SIPA1L1: variants seen among roughly 807,000 people sequenced by gnomAD.
SIPA1L1 encodes signal induced proliferation associated 1 like 1, also known as signal-induced proliferation-associated 1-like protein 1.
In SIPA1L1, 26 loss-of-function variants were observed where a neutral mutation model predicts 162.7. The observed-to-expected ratio is 0.16, with a 90% CI of 0.12 to 0.22. The LOEUF (loss-of-function observed/expected upper bound fraction) is 0.22. SIPA1L1 is among the 10% of genes least tolerant of loss of function. The probability of loss-of-function intolerance (pLI) is 1.00; values close to 1 mark genes in which losing one functional copy is unlikely to be tolerated. For synonymous variants in SIPA1L1, 829 were observed against 837.4 expected, an observed-to-expected ratio of 0.99 and a Z score of 0.17; for missense variants, 1,874 against 2,241.0, an observed-to-expected ratio of 0.84 and a Z score of 3.31.
intron 2 of SIPA1L1, among the ~76,000 whole-genome samples, chr14:71,506,047 C>T (rs2050641378): frequency 1.3e-5 from 2 of 151,022 alleles, no homozygotes; most frequent in South Asian, 4.2e-4. Flanking sequence ...GATACTCATC[C>T]TGTATTCTGT....
At chr14:71,443,122 T>C (rs977396773) in intron 2 of SIPA1L1, among the ~76,000 whole-genome samples, 1 of 152,204 alleles carries the variant, frequency 6.6e-6, no homozygotes, top group African/African-American at 2.4e-5. Flanking sequence ...GAGGTAAACT[T>C]TGTGCTTACA....
At chr14:71,733,548 G>A in intron 20 of SIPA1L1, 118 bp from the exon 21 acceptor site, 2 of 1,037,282 alleles carry the variant, frequency 1.9e-6, no homozygotes, top group Non-Finnish European at 2.8e-6. Context: ...CTGCTAACCT[G>A]GACATTGATA....
rs141337191 is a variant in SIPA1L1 at position 71,731,031 on chromosome 14, G to T, written c.4861+730G>T. On this transcript the variant is annotated intron_variant, in intron 20 of 23. Coordinates refer to ENST00000381232, the MANE Select transcript of SIPA1L1 (RefSeq NM_001386936.1). ...AGCAGATGCCTGTCACGGAACCAGT[G>T]TTCTTGATCATTTGCTGGATGCACT... Among the ~76,000 whole-genome samples, 18 of 152,260 alleles carry T rather than the reference G, an allele frequency of 1.2e-4. 1 individual carries two copies. In the East Asian group the frequency reaches 3.5e-3, roughly 29 times the overall value.
intron 2 of SIPA1L1, among the ~76,000 whole-genome samples, chr14:71,331,718 G>A (rs1266294860): frequency 1.3e-5 from 2 of 152,134 alleles, no homozygotes; most frequent in Non-Finnish European, 2.9e-5. Context: ...TTGATGCTGT[G>A]TTGTCTTTCC....
Position 71,655,295 on chromosome 14 carries a change from A to T in SIPA1L1, c.1994-3038A>T, listed in dbSNP as rs187619648. Among the ~76,000 whole-genome samples, 324 of 152,112 alleles carry T rather than the reference A, an allele frequency of 2.1e-3. 2 individuals carry two copies. The highest frequency in any genetic ancestry group is 7.3e-3 in the African/African-American group (302 of 41,500). The stretch of plus-strand genomic sequence containing the variant: ...CTGCATGTGTGTTGTTGCCAGGGAG[A>T]TGATGATGTTCTTTTTTATGGCTGC... On this transcript the variant is annotated intron_variant, in intron 8 of 23. Coordinates refer to ENST00000381232, the MANE Select transcript of SIPA1L1 (RefSeq NM_001386936.1).
intron 4 of SIPA1L1, among the ~76,000 whole-genome samples, chr14:71,555,601 A>G (rs1370500957): frequency 6.6e-6 from 1 of 152,214 alleles, no homozygotes; most frequent in Non-Finnish European, 1.5e-5. Flanking sequence ...TGCATTCACA[A>G]CTTGGCTAAC....
intron 2 of SIPA1L1, among the ~76,000 whole-genome samples, chr14:71,334,302 T>C (rs1419070164): frequency 2.6e-5 from 4 of 152,216 alleles, no homozygotes; most frequent in African/African-American, 9.6e-5. Context: ...TTCTGGAAAG[T>C]AGACTGGCTA....
At chr14:71,549,711 T>A (rs1208166524) in intron 4 of SIPA1L1, among the ~76,000 whole-genome samples, 1 of 152,200 alleles carries the variant, frequency 6.6e-6, no homozygotes. Context: ...GCAAAGGTTG[T>A]TAGACTCTTC....
At chr14:71,604,099 G>A (rs944539386) in intron 5 of SIPA1L1, among the ~76,000 whole-genome samples, 1 of 149,982 alleles carries the variant, frequency 6.7e-6, no homozygotes, top group Admixed American at 6.7e-5. Context: ...CCAGGCTCAA[G>A]TGATCCTCCT....
At chr14:71,494,620 A>C (rs561946082) in intron 2 of SIPA1L1, among the ~76,000 whole-genome samples, 1 of 149,316 alleles carries the variant, frequency 6.7e-6, no homozygotes, top group African/African-American at 2.5e-5. Context: ...TCATCCTCCT[A>C]GGATCAAGCG....
intron 2 of SIPA1L1, among the ~76,000 whole-genome samples, chr14:71,393,237 TA>T (rs201539069): frequency 0.011 from 1,650 of 152,328 alleles, 28 homozygotes; most frequent in African/African-American, 0.037. Context: ...CAAGTTATTA[TA>T]ATATTTTCAA....
chr14:71,672,794 G>C (rs1392297911), intron 12 of SIPA1L1, among the ~76,000 whole-genome samples, 172 bp downstream of exon 12: 1 of 152,210 alleles, frequency 6.6e-6, no homozygotes, highest in African/African-American at 2.4e-5. Context: ...CCCTTTCAGT[G>C]TGTGGTGACA....
chr14:71,419,168 A>C (rs2042998803), intron 2 of SIPA1L1, among the ~76,000 whole-genome samples: 1 of 151,754 alleles, frequency 6.6e-6, no homozygotes, highest in Admixed American at 6.6e-5. Flanking sequence ...GGCACTCTGG[A>C]TGAGCGTTCA....
In SIPA1L1 at chr14:71,542,512, CCTCTTCCTCCTCCTCCTCTTCCTCCTCCT is replaced by C. The variant is rs1478510543; in HGVS notation, c.-303+13169_-303+13197del. On this transcript the variant is annotated intron_variant, in intron 4 of 23. Transcript: ENST00000381232. ...TCTGCTTCTTCTCCTCGTCGTCCTT[CCTCTTCCTCCTCCTCCTCTTCCTCCTCCT>C]CTCTTCCTCCTCCTCCTCTTCCTCC... Among the ~76,000 whole-genome samples the C allele has an allele frequency of 1.5e-4, 22 of 150,424 alleles. 1 individual carries two copies. The highest frequency in any genetic ancestry group is 1.3e-4 in the Admixed American group (2 of 15,064).
At chr14:71,642,480 T>G (rs1387494455) in intron 7 of SIPA1L1, among the ~76,000 whole-genome samples, 1 of 152,152 alleles carries the variant, frequency 6.6e-6, no homozygotes, top group Non-Finnish European at 1.5e-5. Flanking sequence ...TGCTTTTGCC[T>G]CAATAGTGGG....
At chr14:71,381,622 T>TC (rs2039912652) in intron 2 of SIPA1L1, among the ~76,000 whole-genome samples, 1 of 152,214 alleles carries the variant, frequency 6.6e-6, no homozygotes, top group South Asian at 2.1e-4. Context: ...TCCAGTGAAT[T>TC]CCCTTTCCTT....
At chr14:71,500,249 C>T (rs1025054648) in intron 2 of SIPA1L1, among the ~76,000 whole-genome samples, 2 of 152,138 alleles carry the variant, frequency 1.3e-5, no homozygotes, top group Non-Finnish European at 2.9e-5. Context: ...ACAGAGCACT[C>T]ATAACCACAA....
chr14:71,476,760 C>T (rs2047896225), intron 2 of SIPA1L1, among the ~76,000 whole-genome samples: 2 of 151,816 alleles, frequency 1.3e-5, no homozygotes, highest in African/African-American at 2.4e-5. Flanking sequence ...ACACTGCAAG[C>T]TCTGCCTCGC....
chr14:71,361,678 C>CT (rs1186577764), intron 2 of SIPA1L1, among the ~76,000 whole-genome samples: 1 of 152,058 alleles, frequency 6.6e-6, no homozygotes, highest in Non-Finnish European at 1.5e-5. Flanking sequence ...CTCCTGAGAC[C>CT]TTAGGATTTT....
Sources: gnomAD v4.1 joint callset for allele counts (sites outside exome capture counted in the v4.1 genomes callset) on GRCh38, gnomAD v4.1.1 for gene constraint, MANE v1.5 for transcripts, NCBI Gene and HGNC (gene_info 2026-07-23, HGNC 2026-07-21) for gene names.